Variants in ZNF143 observed in about 807,000 individuals in gnomAD.
The protein encoded by ZNF143 is zinc finger protein 143, also known as SPH-binding factor.
A neutral mutation model predicts 74.1 loss-of-function variants in ZNF143; 49 were observed. The ratio of observed to expected loss-of-function variants is 0.66; its 90% CI spans 0.53 to 0.84. The LOEUF is 0.84. Among genes scored for constraint, ZNF143 ranks in the 40% least tolerant of loss-of-function variants. The pLI is 0.00. For synonymous variants in ZNF143, 304 were observed against 282.8 expected (o/e 1.07, Z -0.75); for missense variants, 637 against 793.4 (o/e 0.80, Z 2.37).
rs373341837 is a variant in ZNF143, at chr11:9,478,889, GA to G, written c.570+312del. 5.1e-3 allele frequency among the ~76,000 whole-genome samples: 768 copies of G among 149,814 alleles called. 3 individuals carry two copies. The highest frequency in any genetic ancestry group is 7.9e-3 in the Non-Finnish European group (535 of 67,374). Reference sequence around the variant, plus strand: ...TCTTAAGTGAAGTGTGGAAAGATTGGAAAAAAAAAGGGAATGGAGTAAAGAC... The same window carrying G: ...TCTTAAGTGAAGTGTGGAAAGATTGGAAAAAAAAGGGAATGGAGTAAAGAC... On this transcript the variant is annotated intron_variant, in intron 6 of 15. Transcript: ENST00000396602.
At chr11:9,490,734 C>T (rs943766456) in intron 7 of ZNF143, among the ~76,000 whole-genome samples, 9 of 152,060 alleles carry the variant, frequency 5.9e-5, no homozygotes, top group Non-Finnish European at 1.3e-4. Context: ...GAGCAATAAA[C>T]AGAAACTGAT....
rs1422954496 is a variant in ZNF143 at position 9,496,353 on chromosome 11, A to G, written c.816A>G (p.Ala272=). Residue 272 remains alanine, a synonymous_variant, in exon 9 of 16, where the codon GCA becomes GCG. Coordinates refer to ENST00000396602, the MANE Select transcript of ZNF143 (RefSeq NM_003442.6). The part of the protein sequence containing the change: ...TGDRPYQCEH[A]GCGKAFATGY... ...ATCGGCCTTATCAGTGTGAGCATGC[A>G]GGCTGTGGGAAGGCATTTGCAACAG... 1 of 1,614,006 alleles carries G rather than the reference A, an allele frequency of 6.2e-7. No homozygotes were observed. Among genetic ancestry groups the G allele is most frequent in the Non-Finnish European group, 8.5e-7 (1 of 1,180,032 alleles).
At chr11:9,480,370 A>G (rs1847186097) in intron 7 of ZNF143, among the ~76,000 whole-genome samples, 1 of 151,790 alleles carries the variant, frequency 6.6e-6, no homozygotes, top group Non-Finnish European at 1.5e-5. Context: ...ATTTTCTCTA[A>G]TATTTTGTTG....
chr11:9,491,053 A>G (rs544714303), intron 7 of ZNF143, among the ~76,000 whole-genome samples: 2 of 152,284 alleles, frequency 1.3e-5, no homozygotes, highest in East Asian at 3.9e-4. Context: ...TTGTTCTAAT[A>G]ATATTTGATT....
chr11:9,518,692 A>G (rs1210710389), intron 14 of ZNF143, among the ~76,000 whole-genome samples: 2 of 148,346 alleles, frequency 1.3e-5, no homozygotes, highest in East Asian at 1.9e-4. Flanking sequence ...ACTCCAGCCT[A>G]GGCAAAAAGA....
intron 12 of ZNF143, among the ~76,000 whole-genome samples, chr11:9,511,634 C>A (rs1396244692): frequency 1.3e-5 from 2 of 151,944 alleles, no homozygotes; most frequent in East Asian, 3.9e-4. Flanking sequence ...GACGTGGTTT[C>A]TCCATGTTGG....
chr11:9,521,892 C>T (rs1290507832), intron 14 of ZNF143, among the ~76,000 whole-genome samples: 3 of 151,574 alleles, frequency 2.0e-5, no homozygotes, highest in Admixed American at 2.0e-4. Context: ...CATGGTGAAA[C>T]CCCATCTCTA....
chr11:9,484,673 C>T (rs1325375697), intron 7 of ZNF143, among the ~76,000 whole-genome samples: 12 of 147,888 alleles, frequency 8.1e-5, no homozygotes, highest in African/African-American at 3.1e-4. Flanking sequence ...AGCTGAAGTG[C>T]AATGGCCTGA....
rs1248869820 is a variant in ZNF143, at chr11:9,501,202, C to T, written c.1079C>T (p.Thr360Ile). Residue 360 changes from threonine (T) to isoleucine (I), a missense_variant, in exon 11 of 16, where the codon ACA becomes ATA. Physicochemically the swap from Thr to Ile is moderately conservative, Grantham distance 89 (BLOSUM62 -1). Around this residue, in one of 2 missense-constraint regions of ZNF143, gnomAD observed 344 missense variants for 485.6 expected, o/e 0.71. Transcript: ENST00000396602. ...THTGERPYYCTEPGCGRAFAS... is the reference protein window; with the variant it reads ...THTGERPYYCIEPGCGRAFAS... ...ACAGGAGAAAGACCTTATTACTGCA[C>T]AGAGCCAGGATGTGGGAGGGCATTT... 1.9e-6 allele frequency: 3 copies of T among 1,614,172 alleles called. No individual in the cohort carries two copies. Among genetic ancestry groups the T allele is most frequent in the African/African-American group, 1.3e-5 (1 of 75,038 alleles).
At chr11:9,515,571 A>C (rs1002283438) in intron 13 of ZNF143, among the ~76,000 whole-genome samples, 1 of 151,374 alleles carries the variant, frequency 6.6e-6, no homozygotes, top group Non-Finnish European at 1.5e-5. Context: ...GGACAGTGGC[A>C]TGAACCCGGG....
chr11:9,501,332 C>T (rs1848149916), intron 11 of ZNF143, 62 bp downstream of exon 11: 2 of 1,560,714 alleles, frequency 1.3e-6, no homozygotes, highest in African/African-American at 1.4e-5. Flanking sequence ...CCTGCCTTTT[C>T]CAGAAACCAT....
chr11:9,527,130 G>A (rs1198897588), intron 15 of ZNF143, among the ~76,000 whole-genome samples: 1 of 151,984 alleles, frequency 6.6e-6, no homozygotes, highest in African/African-American at 2.4e-5. Context: ...ACCGCGCCCA[G>A]CCAATTTTTG....
chr11:9,461,076 G>A lies in ZNF143; in HGVS notation c.-8G>A. The A allele has an allele frequency of 1.0e-6, 1 of 985,952 alleles. No homozygotes were observed. Among genetic ancestry groups the A allele is most frequent in the Non-Finnish European group, 1.2e-6 (1 of 830,014 alleles). The allele number at this position is 985,952 out of a possible 1,614,324, so 61.1% of individuals were successfully genotyped here. On this transcript the variant is annotated splice_region_variant and 5_prime_UTR_variant, in exon 1 of 16. Transcript: ENST00000396602. ...GGAATTGTTGGAAAATTTTCTCGGAGGTTCGTATATAAATGTGTTTTTACC... is the reference window on the plus strand; with the variant it reads ...GGAATTGTTGGAAAATTTTCTCGGAAGTTCGTATATAAATGTGTTTTTACC...
At chr11:9,461,745 T>C (rs1457148003) in intron 1 of ZNF143, 5 of 152,262 alleles carry the variant, frequency 3.3e-5, no homozygotes, top group African/African-American at 9.6e-5. Flanking sequence ...CAAATTCTTA[T>C]AAGTCTCTTT....
At chr11:9,467,574 G>A (rs1379435026) in intron 1 of ZNF143, among the ~76,000 whole-genome samples, 1 of 151,966 alleles carries the variant, frequency 6.6e-6, no homozygotes, top group Admixed American at 6.6e-5. Context: ...GCTGGCTGGC[G>A]CAATGGCTCG....
intron 5 of ZNF143, among the ~76,000 whole-genome samples, chr11:9,475,364 G>A (rs937905308): frequency 6.6e-6 from 1 of 151,698 alleles, no homozygotes; most frequent in Admixed American, 6.6e-5. Context: ...GGCTCAAGGG[G>A]CTTTCCTGCC....
chr11:9,475,789 A>G (rs953255229), intron 5 of ZNF143, among the ~76,000 whole-genome samples: 4 of 151,998 alleles, frequency 2.6e-5, no homozygotes, highest in Non-Finnish European at 4.4e-5. Flanking sequence ...CCTGGCTACT[A>G]GGGAGGCTGA....
At chr11:9,473,849 T>C in intron 3 of ZNF143, 92 bp from the exon 4 acceptor site, 1 of 1,609,756 alleles carries the variant, frequency 6.2e-7, no homozygotes. Flanking sequence ...GCTTAAGTTG[T>C]GTATGTTTTT....
chr11:9,520,551 G>A (rs535124248), intron 14 of ZNF143, among the ~76,000 whole-genome samples: 2 of 152,130 alleles, frequency 1.3e-5, no homozygotes, highest in African/African-American at 4.8e-5. Flanking sequence ...CCAGGAATTT[G>A]GGAGGCTGAG....
Sources: allele counts gnomAD v4.1 joint callset (sites outside exome capture counted in the v4.1 genomes callset), GRCh38; gene constraint gnomAD v4.1.1; regional missense constraint gnomAD v4.1.1; transcripts MANE v1.5; gene names NCBI Gene and HGNC (gene_info 2026-07-23, HGNC 2026-07-21).